Variants in NBAS observed in about 807,000 individuals in gnomAD.
NBAS encodes the protein NBAS subunit of NRZ tethering complex, also known as NAG/BC035112 fusion.
In NBAS, 219 loss-of-function variants were observed where a neutral mutation model predicts 302.5. The observed-to-expected ratio is 0.72, with a 90% CI of 0.65 to 0.81. The LOEUF (loss-of-function observed/expected upper bound fraction) is 0.81, where lower values mean the gene tolerates loss of function less well. NBAS is among the 30% of genes least tolerant of loss of function. NBAS has a pLI of 0.00. For missense variants in NBAS, 2,932 were observed against 2,841.6 expected, an observed-to-expected ratio of 1.03 and a Z score of -0.72; for synonymous variants, 1,118 against 1,021.6, an observed-to-expected ratio of 1.09 and a Z score of -1.80.
At chr2:15,339,422 T>C (rs1270836996) in intron 35 of NBAS, among the ~76,000 whole-genome samples, 1 of 152,080 alleles carries the variant, frequency 6.6e-6, no homozygotes, top group African/African-American at 2.4e-5. Context: ...CCCATTCAAC[T>C]ATTCCTCCCC....
Position 15,287,062 on chromosome 2 carries a change from T to C in NBAS, c.5138+11A>G, listed in dbSNP as rs781584570. 3.8e-6 allele frequency: 6 copies of C among 1,573,216 alleles called. No individual in the cohort carries two copies. The highest frequency in any genetic ancestry group is 5.3e-6 in the Non-Finnish European group (6 of 1,142,740). On this transcript the variant is annotated intron_variant, in intron 42 of 51. Transcript: ENST00000281513. ...CATGGAAACAAACGTACATATGAAC[T>C]GTGTGCTTACCCACTGTCCGTGAAG...
intron 44 of NBAS, among the ~76,000 whole-genome samples, chr2:15,266,362 C>T (rs1260374278): frequency 6.6e-6 from 1 of 152,122 alleles, no homozygotes; most frequent in African/African-American, 2.4e-5. Context: ...CATTAGGATG[C>T]CCTTAAGGGG....
At position 15,230,099 on chromosome 2, in the gene NBAS, G is replaced by A. The variant is rs145619837; in HGVS notation, c.6236+2323C>T. ...GGCTTGGTATGTCAACAAGAGAAAG[G>A]GTGAGGGGCACATAAGGCCTGGCAC... On this transcript the variant is annotated intron_variant, in intron 47 of 51. Transcript: ENST00000281513. 3.0e-3 allele frequency among the ~76,000 whole-genome samples: 455 copies of A among 152,234 alleles called. 3 individuals carry two copies. Among genetic ancestry groups the A allele is most frequent in the African/African-American group, 0.01 (423 of 41,550 alleles).
At chr2:14,855,455 G>A in the NBAS span, among the ~76,000 whole-genome samples, 4 of 151,944 alleles carry the variant, frequency 2.6e-5, no homozygotes, top group African/African-American at 7.3e-5. Flanking sequence ...AAAGCACCAA[G>A]TGGGCTCTTG....
the NBAS span, among the ~76,000 whole-genome samples, chr2:14,996,594 G>T: frequency 6.6e-6 from 1 of 152,172 alleles, no homozygotes; most frequent in East Asian, 1.9e-4. Flanking sequence ...AGATATTGTT[G>T]TCTCTTTGCG....
chr2:15,489,834 GAACA>G (rs947203191), intron 11 of NBAS, among the ~76,000 whole-genome samples: 34 of 152,288 alleles, frequency 2.2e-4, no homozygotes, highest in African/African-American at 8.2e-4. Context: ...CAGAAGACCT[GAACA>G]AACATTAACT....
At chr2:14,811,153 A>T in the NBAS span, among the ~76,000 whole-genome samples, 1 of 152,208 alleles carries the variant, frequency 6.6e-6, no homozygotes, top group African/African-American at 2.4e-5. Context: ...CATGTCTATA[A>T]TCCCAACACT....
chr2:15,389,221 G>A (rs1410855963), intron 28 of NBAS, among the ~76,000 whole-genome samples: 2 of 152,196 alleles, frequency 1.3e-5, no homozygotes, highest in Non-Finnish European at 2.9e-5. Flanking sequence ...GCAATACTGA[G>A]CCCTAGTCCA....
At chr2:15,107,994 C>A in the NBAS span, among the ~76,000 whole-genome samples, 1 of 152,158 alleles carries the variant, frequency 6.6e-6, no homozygotes, top group African/African-American at 2.4e-5. Context: ...TGAGGGTCAT[C>A]ATGTTGAATC....
the NBAS span, among the ~76,000 whole-genome samples, chr2:15,119,582 A>ACCTG: frequency 1.3e-5 from 2 of 152,026 alleles, no homozygotes; most frequent in African/African-American, 2.4e-5. Context: ...CTCGTGATCC[A>ACCTG]CCTGCCTCGG....
chr2:15,039,835 A>C, the NBAS span, among the ~76,000 whole-genome samples: 7 of 152,116 alleles, frequency 4.6e-5, no homozygotes, highest in Admixed American at 3.9e-4. Context: ...TCATCTCCTG[A>C]CTTGTCTTCA....
intron 29 of NBAS, 22 bp downstream of exon 29, chr2:15,383,193 T>C: frequency 2.6e-6 from 4 of 1,541,774 alleles, no homozygotes; most frequent in Admixed American, 1.7e-5. Flanking sequence ...TAAAAAAAAA[T>C]CGTATATGGT....
chr2:15,104,351 A>G, the NBAS span, among the ~76,000 whole-genome samples: 1 of 152,154 alleles, frequency 6.6e-6, no homozygotes. Context: ...GACTAATACA[A>G]TAGGCCTTGT....
Position 15,227,373 on chromosome 2 carries a change from G to A in NBAS, c.6236+5049C>T, listed in dbSNP as rs117372834. Among the ~76,000 whole-genome samples, 184 of 152,034 alleles carry A rather than the reference G, an allele frequency of 1.2e-3. 3 individuals are homozygous for A. The East Asian group carries it at 0.033, about 27-fold the overall frequency. On this transcript the variant is annotated intron_variant, in intron 47 of 51. Transcript: ENST00000281513. ...GGAAGAGGACACAAATAAATGGAAC[G>A]ATATTCCATGTTCATGGATTAGAAG...
At chr2:14,797,493 C>A in the NBAS span, among the ~76,000 whole-genome samples, 1 of 152,174 alleles carries the variant, frequency 6.6e-6, no homozygotes, top group Non-Finnish European at 1.5e-5. Context: ...GCCCCATTCA[C>A]CACACTGCAG....
intron 40 of NBAS, among the ~76,000 whole-genome samples, chr2:15,304,572 G>T (rs1270730266): frequency 6.6e-6 from 1 of 152,232 alleles, no homozygotes; most frequent in Non-Finnish European, 1.5e-5. Context: ...GGGTTTAGAA[G>T]TTCCTAGAGA....
At chr2:15,102,418 G>A in the NBAS span, among the ~76,000 whole-genome samples, 1 of 152,150 alleles carries the variant, frequency 6.6e-6, no homozygotes, top group African/African-American at 2.4e-5. Flanking sequence ...AGGAATGGGG[G>A]GCAAGTTATA....
chr2:15,099,562 C>A, the NBAS span, among the ~76,000 whole-genome samples: 2 of 151,858 alleles, frequency 1.3e-5, no homozygotes, highest in South Asian at 4.2e-4. Context: ...AAACTTCTAT[C>A]CATATTTATT....
chr2:15,080,796 G>C, the NBAS span, among the ~76,000 whole-genome samples: 5 of 152,198 alleles, frequency 3.3e-5, no homozygotes, highest in African/African-American at 1.2e-4. Flanking sequence ...TTTCAGGATA[G>C]TCACACTTCC....
Sources: gnomAD v4.1 joint callset for allele counts (sites outside exome capture counted in the v4.1 genomes callset) on GRCh38, gnomAD v4.1.1 for gene constraint, MANE v1.5 for transcripts, NCBI Gene and HGNC (gene_info 2026-07-23, HGNC 2026-07-21) for gene names.